SEM1: variants seen among roughly 807,000 people sequenced by gnomAD.
SEM1 encodes SEM1 26S proteasome subunit, also known as 26S proteasome complex subunit SEM1.
SEM1 carries 3 observed loss-of-function variants against 12.7 expected under a neutral mutation model. The observed-to-expected ratio is 0.24, with a 90% CI of 0.11 to 0.61. The LOEUF is 0.61. Among genes scored for constraint, SEM1 ranks in the 20% least tolerant of loss-of-function variants. SEM1 has a pLI of 0.88. For missense variants in SEM1, 59 were observed against 81.3 expected, an observed-to-expected ratio of 0.73 and a Z score of 1.06; for synonymous variants, 30 against 27.8, an observed-to-expected ratio of 1.08 and a Z score of -0.25.
At chr7:96,545,272 T>C (rs1805072363) in intron 2 of SEM1, among the ~76,000 whole-genome samples, 1 of 152,068 alleles carries the variant, frequency 6.6e-6, no homozygotes, top group Admixed American at 6.6e-5. Context: ...TTTTGTCCCA[T>C]GTATTCTAAC....
chr7:96,636,499 T>C (rs1412951955), intron 2 of SEM1, among the ~76,000 whole-genome samples: 1 of 151,526 alleles, frequency 6.6e-6, no homozygotes, highest in African/African-American at 2.4e-5. Context: ...TGGAGAAAAA[T>C]CCAAGAAGCT....
intron 2 of SEM1, among the ~76,000 whole-genome samples, chr7:96,548,387 C>T (rs1482351592): frequency 6.6e-6 from 1 of 152,120 alleles, no homozygotes; most frequent in Non-Finnish European, 1.5e-5. Flanking sequence ...GTATGGTCCC[C>T]AGACTTGGAG....
At chr7:96,683,542 C>T (rs1314986056) in intron 2 of SEM1, among the ~76,000 whole-genome samples, 1 of 152,080 alleles carries the variant, frequency 6.6e-6, no homozygotes. Flanking sequence ...GGGTATATAC[C>T]CAAAGGATTA....
chr7:96,630,197 C>T (rs1316429228), intron 2 of SEM1, among the ~76,000 whole-genome samples: 5 of 152,224 alleles, frequency 3.3e-5, no homozygotes, highest in African/African-American at 9.6e-5. Flanking sequence ...GCCAGCCAGG[C>T]CTGTGTTCTT....
intron 2 of SEM1, among the ~76,000 whole-genome samples, chr7:96,589,517 C>T (rs1307101243): frequency 6.6e-6 from 1 of 152,102 alleles, no homozygotes; most frequent in East Asian, 1.9e-4. Flanking sequence ...GTGTGTAACT[C>T]CATTGTGTGT....
Position 96,617,324 on chromosome 7 carries a change from C to A in SEM1, c.170+77474G>T, listed in dbSNP as rs1044399126. On this transcript the variant is annotated intron_variant and NMD_transcript_variant, in intron 2 of 3. Transcript: ENST00000466986. Reference sequence around the variant, plus strand: ...TTTTTAGCTGTTATAAGTAGACTCACCTTCTTGATTTGGTTCTTAGCTAGA... The same window carrying A: ...TTTTTAGCTGTTATAAGTAGACTCAACTTCTTGATTTGGTTCTTAGCTAGA... 2.0e-5 allele frequency among the ~76,000 whole-genome samples: 3 copies of A among 152,134 alleles called. No homozygotes were observed. In the East Asian group the frequency reaches 5.8e-4, roughly 29 times the overall value.
intron 2 of SEM1, among the ~76,000 whole-genome samples, chr7:96,591,813 G>GTTTTTT (rs71127462): frequency 6.8e-6 from 1 of 146,748 alleles, no homozygotes; most frequent in Non-Finnish European, 1.5e-5. Context: ...AGGCAATGGA[G>GTTTTTT]TTTTTTTTTT....
chr7:96,674,940 GGAA>G (rs1190786757), intron 2 of SEM1, among the ~76,000 whole-genome samples: 1 of 152,162 alleles, frequency 6.6e-6, no homozygotes, highest in Non-Finnish European at 1.5e-5. Flanking sequence ...CCTCCATGGA[GGAA>G]GAAGGAGCAG....
intron 2 of SEM1, among the ~76,000 whole-genome samples, chr7:96,604,522 GTA>G (rs1807288690): frequency 6.6e-6 from 1 of 152,178 alleles, no homozygotes; most frequent in South Asian, 2.1e-4. Context: ...TGCTTTGTAA[GTA>G]TTCCAACTTA....
chr7:96,496,425 C>A (rs1803263285), upstream of SEM1: 1 of 624,566 alleles, frequency 1.6e-6, no homozygotes, highest in African/African-American at 1.8e-5. Context: ...TAATCTAAAT[C>A]TTTATACTGC....
intron 2 of SEM1, among the ~76,000 whole-genome samples, chr7:96,664,833 G>C (rs1216201145): frequency 6.6e-6 from 1 of 152,054 alleles, no homozygotes; most frequent in African/African-American, 2.4e-5. Context: ...ATAAATTCTG[G>C]TATGTTTACA....
intron 2 of SEM1, among the ~76,000 whole-genome samples, chr7:96,568,646 G>C (rs1805925929): frequency 1.3e-5 from 2 of 151,632 alleles, no homozygotes; most frequent in South Asian, 4.1e-4. Context: ...AGTATATATT[G>C]TTTTTAGTAT....
At chr7:96,492,585 A>ATTTTTTTTT (rs59252542) in intron 1 of SEM1, among the ~76,000 whole-genome samples, 12 of 79,676 alleles carry the variant, frequency 1.5e-4, no homozygotes, top group East Asian at 4.4e-4. Flanking sequence ...AATTTTTTGT[A>ATTTTTTTTT]TTTTTTTTTT....
At chr7:96,490,980 A>G (rs11773399) in intron 1 of SEM1, among the ~76,000 whole-genome samples, 21,254 of 152,164 alleles carry the variant, frequency 0.14, 1,541 homozygotes, top group Middle Eastern at 0.27. Context: ...CAGCTCCAGC[A>G]CACAGGATCT....
At chr7:96,559,513 G>C (rs1397694355) in intron 2 of SEM1, among the ~76,000 whole-genome samples, 1 of 152,132 alleles carries the variant, frequency 6.6e-6, no homozygotes, top group Non-Finnish European at 1.5e-5. Context: ...GAAATCCAGA[G>C]ATCAAGCGAC....
intron 2 of SEM1, among the ~76,000 whole-genome samples, chr7:96,693,479 GA>G (rs1252337244): frequency 2.0e-5 from 3 of 151,856 alleles, no homozygotes; most frequent in African/African-American, 7.3e-5. Flanking sequence ...GCTCTTAGAA[GA>G]AAACAAAGAT....
chr7:96,662,411 A>C (rs1052643953), intron 2 of SEM1, among the ~76,000 whole-genome samples: 1 of 152,180 alleles, frequency 6.6e-6, no homozygotes, highest in Non-Finnish European at 1.5e-5. Context: ...TAGCAAACTA[A>C]CACAGGAACA....
exon 4 of SEM1, chr7:96,482,034 A>G (rs1346871818): frequency 2.0e-5 from 3 of 152,180 alleles, no homozygotes; most frequent in African/African-American, 7.2e-5. Context: ...AAAAGAATCT[A>G]TTGCATTTAT....
chr7:96,613,952 G>A (rs1287650657), intron 2 of SEM1, among the ~76,000 whole-genome samples: 2 of 152,144 alleles, frequency 1.3e-5, no homozygotes, highest in African/African-American at 2.4e-5. Flanking sequence ...GTCCATCAAT[G>A]GGCACTTCCA....
Sources: allele counts gnomAD v4.1 joint callset (sites outside exome capture counted in the v4.1 genomes callset), GRCh38; gene constraint gnomAD v4.1.1; transcripts MANE v1.5; gene names NCBI Gene and HGNC (gene_info 2026-07-23, HGNC 2026-07-21).